Variants in PCDHGA8 observed in about 807,000 individuals in gnomAD.
PCDHGA8 encodes the protein protocadherin gamma-A8.
In PCDHGA8, 45 loss-of-function variants were observed where a neutral mutation model predicts 59.2. The observed-to-expected ratio is 0.76, with a 90% confidence interval of 0.60 to 0.98. The LOEUF (loss-of-function observed/expected upper bound fraction) is 0.98, where lower values mean the gene tolerates loss of function less well. Among genes scored for constraint, PCDHGA8 ranks in the 50% least tolerant of loss-of-function variants. The pLI is 0.00. For missense variants in PCDHGA8, 1,257 were observed against 1,196.2 expected (o/e 1.05, Z -0.75); for synonymous variants, 531 against 519.0 (o/e 1.02, Z -0.32).
Position 141,409,459 on chromosome 5 carries a change from T to C in PCDHGA8, c.2424+14222T>C, listed in dbSNP as rs139792503. On this transcript the variant is annotated intron_variant, in intron 1 of 3. Coordinates refer to ENST00000398604, the MANE Select transcript of PCDHGA8 (RefSeq NM_032088.2). ...ACCGAGAGCAGACACCAGAATACAA[T>C]GTCACCATCGTAGCCACTGACAGGG... 4.9e-3 allele frequency: 7,986 copies of C among 1,613,950 alleles called. 44 individuals are homozygous for C. The highest frequency in any genetic ancestry group is 9.4e-3 in the Admixed American group (567 of 60,028).
In PCDHGA8 at chr5:141,491,759, G is replaced by C. The variant is rs746395685; in HGVS notation, c.2425-3048G>C. 3 of 1,575,392 alleles carry C rather than the reference G, an allele frequency of 1.9e-6. No individual in the cohort carries two copies. Among genetic ancestry groups the C allele is most frequent in the Non-Finnish European group, 2.6e-6 (3 of 1,161,808 alleles). ...GGGGGCGGCACTGGAGAAGCCGCCC[G>C]TCCTCATAAGGGATTGAACTTGCAT... On this transcript the variant is annotated intron_variant, in intron 1 of 3. Coordinates refer to ENST00000398604, the MANE Select transcript of PCDHGA8 (RefSeq NM_032088.2). The surrounding 1 kb of genome is among the most constrained non-coding windows in gnomAD (Gnocchi z 6.9).
At chr5:141,409,573 C>T (rs562811168) in intron 1 of PCDHGA8, 4 of 1,613,934 alleles carry the variant, frequency 2.5e-6, no homozygotes, top group African/African-American at 2.7e-5. Flanking sequence ...AGACGTCCTA[C>T]GTGGTCCACG....
intron 1 of PCDHGA8, chr5:141,414,091 A>C (rs774168035): frequency 7.5e-6 from 12 of 1,594,412 alleles, no homozygotes; most frequent in African/African-American, 1.3e-5. Flanking sequence ...TGGAGAAATA[A>C]AAATATCAGA....
chr5:141,432,511 C>T lies in PCDHGA8; in HGVS notation c.2424+37274C>T. ...AGCTGGCTCCCCGCTCCGCAGAGCC[C>T]GGCTACCTGGTGACCAAGGTGGTGG... is the stretch of plus-strand genomic sequence containing the variant. On this transcript the variant is annotated intron_variant, in intron 1 of 3. Coordinates refer to ENST00000398604, the MANE Select transcript of PCDHGA8 (RefSeq NM_032088.2). This position sits in a 1 kb window ranked among gnomAD's most constrained non-coding sequence, Gnocchi z 6.0. 1 of 1,614,118 alleles carries T rather than the reference C, an allele frequency of 6.2e-7. No homozygotes were observed. The highest frequency in any genetic ancestry group is 8.5e-7 in the Non-Finnish European group (1 of 1,180,042).
chr5:141,499,089 A>G (rs1417307590), intron 2 of PCDHGA8, among the ~76,000 whole-genome samples: 2 of 152,116 alleles, frequency 1.3e-5, no homozygotes, highest in Non-Finnish European at 1.5e-5. Context: ...CCTGCTTGGC[A>G]CATGCTTCTC....
chr5:141,413,932 G>T (rs762255781), intron 1 of PCDHGA8: 2 of 1,613,426 alleles, frequency 1.2e-6, no homozygotes, highest in Admixed American at 1.7e-5. Context: ...AGAATACCGA[G>T]TGAGTGTTCC....
intron 2 of PCDHGA8, among the ~76,000 whole-genome samples, chr5:141,502,382 T>C (rs1668612742): frequency 1.3e-5 from 2 of 152,088 alleles, no homozygotes; most frequent in Non-Finnish European, 2.9e-5. Context: ...CCAGGCCAGT[T>C]GTACTTTAAA....
At chr5:141,427,526 G>A (rs956426158) in intron 1 of PCDHGA8, 2 of 612,866 alleles carry the variant, frequency 3.3e-6, no homozygotes, top group Middle Eastern at 2.6e-4. Context: ...AGCGGATCCC[G>A]GAGTACAACG....
chr5:141,410,797 CTCTA>C (rs375585060), intron 1 of PCDHGA8: 18 of 676,000 alleles, frequency 2.7e-5, no homozygotes, highest in Middle Eastern at 9.7e-4. Context: ...TCATAAGTTG[CTCTA>C]TCTTTTTGTA....
At position 141,502,487 on chromosome 5, in the gene PCDHGA8, C is replaced by T. The variant is rs563658817; in HGVS notation, c.2484-2906C>T. ...TACTTCCCGCAGCATCACACTGGGACTCATCTAACGTCGGCCTGTCCCACT... is the reference window on the plus strand; with the variant it reads ...TACTTCCCGCAGCATCACACTGGGATTCATCTAACGTCGGCCTGTCCCACT... On this transcript the variant is annotated intron_variant, in intron 2 of 3. Coordinates refer to ENST00000398604, the MANE Select transcript of PCDHGA8 (RefSeq NM_032088.2). Among the ~76,000 whole-genome samples, 92 of 152,298 alleles carry T rather than the reference C, an allele frequency of 6.0e-4. 3 individuals are homozygous for T. The highest frequency in any genetic ancestry group is 1.5e-4 in the Non-Finnish European group (10 of 68,030).
At chr5:141,409,294 G>T (rs1438036410) in intron 1 of PCDHGA8, 11 of 1,613,826 alleles carry the variant, frequency 6.8e-6, no homozygotes, top group South Asian at 1.1e-5. Flanking sequence ...CTCCAGGAAT[G>T]GTTGTTGCCC....
At chr5:141,510,349 C>T (rs1461596705) in intron 3 of PCDHGA8, among the ~76,000 whole-genome samples, 1 of 148,468 alleles carries the variant, frequency 6.7e-6, no homozygotes, top group Non-Finnish European at 1.5e-5. Context: ...CACACACTTA[C>T]TAACGGAACT....
At chr5:141,421,675 G>A in intron 1 of PCDHGA8, 2 of 1,613,910 alleles carry the variant, frequency 1.2e-6, no homozygotes, top group Non-Finnish European at 1.7e-6. Context: ...CGCAATTCCT[G>A]GGGCGCGATT....
intron 2 of PCDHGA8, among the ~76,000 whole-genome samples, chr5:141,498,847 C>T (rs932801278): frequency 1.3e-5 from 2 of 151,856 alleles, no homozygotes; most frequent in Admixed American, 1.3e-4. Flanking sequence ...GCAGGGGAAT[C>T]GCTTGAACCC....
chr5:141,404,945 G>A (rs753544983), intron 1 of PCDHGA8: 6 of 1,613,952 alleles, frequency 3.7e-6, no homozygotes, highest in Non-Finnish European at 5.1e-6. Flanking sequence ...AGTAGCCATA[G>A]CTGACAGCAT....
chr5:141,433,259 T>C (rs776486704), intron 1 of PCDHGA8: 3 of 1,380,658 alleles, frequency 2.2e-6, no homozygotes, highest in Non-Finnish European at 3.0e-6. Flanking sequence ...AGCGGTACGA[T>C]CATAGCTCAC....
At chr5:141,444,329 G>A (rs536314842) in intron 1 of PCDHGA8, among the ~76,000 whole-genome samples, 17 of 151,674 alleles carry the variant, frequency 1.1e-4, no homozygotes, top group Admixed American at 1.1e-3. Flanking sequence ...GTGCCACCAC[G>A]CCCAGCTAAT....
At chr5:141,460,231 G>A (rs911633731) in intron 1 of PCDHGA8, among the ~76,000 whole-genome samples, 3 of 152,028 alleles carry the variant, frequency 2.0e-5, no homozygotes, top group Non-Finnish European at 4.4e-5. Context: ...CTTTTGAAGA[G>A]CAGAAGATGT....
intron 3 of PCDHGA8, among the ~76,000 whole-genome samples, chr5:141,506,866 T>C (rs1182560001): frequency 2.6e-5 from 4 of 152,104 alleles, no homozygotes; most frequent in Admixed American, 2.6e-4. Context: ...GACTGGTGGG[T>C]AGAGAACCAG....
Sources: allele counts gnomAD v4.1 joint callset (sites outside exome capture counted in the v4.1 genomes callset), GRCh38; gene constraint gnomAD v4.1.1; non-coding constraint Gnocchi (gnomAD v3.1); transcripts MANE v1.5; gene names NCBI Gene and HGNC (gene_info 2026-07-23, HGNC 2026-07-21).